GALNT13: variants seen among roughly 807,000 people sequenced by gnomAD.
The protein encoded by GALNT13 is polypeptide N-acetylgalactosaminyltransferase 13, also known as UDP-GalNAc:polypeptide N-acetylgalactosaminyltransferase 13.
A neutral mutation model predicts 64.2 loss-of-function variants in GALNT13; 28 were observed. That is an observed-to-expected ratio of 0.44 (90% CI 0.32 to 0.60). The LOEUF (loss-of-function observed/expected upper bound fraction) is 0.60, where lower values mean the gene tolerates loss of function less well. GALNT13 is among the 20% of genes least tolerant of loss of function. GALNT13 has a pLI of 0.05. For synonymous variants in GALNT13, 214 were observed against 224.6 expected (o/e 0.95, Z 0.42); for missense variants, 577 against 669.8 (o/e 0.86, Z 1.53).
At chr2:153,146,700 T>C in the GALNT13 span, among the ~76,000 whole-genome samples, 1 of 151,842 alleles carries the variant, frequency 6.6e-6, no homozygotes, top group Admixed American at 6.6e-5. Flanking sequence ...ATGTTTCAAA[T>C]ACACAAAGAT....
intron 3 of GALNT13, among the ~76,000 whole-genome samples, chr2:154,119,038 A>G (rs1004970640): frequency 1.3e-5 from 2 of 152,112 alleles, no homozygotes; most frequent in Non-Finnish European, 2.9e-5. Flanking sequence ...TACTTATACC[A>G]TTAGGTTTTG....
the GALNT13 span, among the ~76,000 whole-genome samples, chr2:153,821,753 T>C: frequency 6.6e-6 from 1 of 152,094 alleles, no homozygotes; most frequent in Non-Finnish European, 1.5e-5. Context: ...CTGAACAGAA[T>C]TGTGACCCAA....
At chr2:153,693,580 G>A in the GALNT13 span, among the ~76,000 whole-genome samples, 1 of 151,934 alleles carries the variant, frequency 6.6e-6, no homozygotes. Context: ...TAGAATGCGT[G>A]GCCTGTACTT....
chr2:153,271,691 C>A, the GALNT13 span, among the ~76,000 whole-genome samples: 2 of 152,100 alleles, frequency 1.3e-5, no homozygotes, highest in African/African-American at 4.8e-5. Context: ...GCCATACTGC[C>A]CAAAGTAATT....
the GALNT13 span, among the ~76,000 whole-genome samples, chr2:153,405,273 G>T: frequency 5.9e-5 from 9 of 152,210 alleles, no homozygotes; most frequent in Non-Finnish European, 1.2e-4. Flanking sequence ...AAAGCCTAAG[G>T]TTTGGAAAGG....
At chr2:153,831,034 AT>A in the GALNT13 span, among the ~76,000 whole-genome samples, 3 of 152,184 alleles carry the variant, frequency 2.0e-5, no homozygotes, top group African/African-American at 7.2e-5. Flanking sequence ...GTTGAAAATT[AT>A]TTTACAATTT....
chr2:154,354,666 C>T (rs799813), intron 9 of GALNT13, among the ~76,000 whole-genome samples: 2 of 151,406 alleles, frequency 1.3e-5, no homozygotes, highest in African/African-American at 2.4e-5. Context: ...CACCGTTTAT[C>T]GAAGAGACCA....
At chr2:153,804,953 T>C in the GALNT13 span, among the ~76,000 whole-genome samples, 27 of 151,940 alleles carry the variant, frequency 1.8e-4, no homozygotes, top group Admixed American at 1.8e-3. Context: ...TGGCAGAACC[T>C]AAAAGTTTAT....
the GALNT13 span, among the ~76,000 whole-genome samples, chr2:153,591,609 C>G: frequency 1.3e-5 from 2 of 151,876 alleles, no homozygotes; most frequent in Non-Finnish European, 2.9e-5. Flanking sequence ...CATATATCAA[C>G]AGAACAAAAT....
intron 3 of GALNT13, among the ~76,000 whole-genome samples, chr2:154,040,384 G>A (rs1255451708): frequency 2.1e-5 from 3 of 140,874 alleles, no homozygotes; most frequent in South Asian, 2.2e-4. Flanking sequence ...AGAATACATC[G>A]TGATTATGAA....
intron 8 of GALNT13, among the ~76,000 whole-genome samples, chr2:154,296,092 T>C (rs1394445653): frequency 2.6e-5 from 4 of 152,180 alleles, no homozygotes; most frequent in African/African-American, 9.7e-5. Flanking sequence ...ATCTGCCATA[T>C]TGTTAGTCCC....
chr2:154,144,296 A>C (rs1183260200), intron 4 of GALNT13, among the ~76,000 whole-genome samples: 1 of 152,156 alleles, frequency 6.6e-6, no homozygotes, highest in African/African-American at 2.4e-5. Context: ...ACCATGAGTC[A>C]CATATCCAAA....
At chr2:153,119,694 A>G in the GALNT13 span, among the ~76,000 whole-genome samples, 2 of 152,206 alleles carry the variant, frequency 1.3e-5, no homozygotes, top group Non-Finnish European at 2.9e-5. Flanking sequence ...CCAGGTTAGA[A>G]GAGCCAAGGC....
At chr2:154,123,838 G>T (rs534304120) in intron 3 of GALNT13, among the ~76,000 whole-genome samples, 2 of 151,942 alleles carry the variant, frequency 1.3e-5, no homozygotes, top group African/African-American at 2.4e-5. Flanking sequence ...GTGACAAAAG[G>T]CATATATCAG....
At position 154,414,461 on chromosome 2, in the gene GALNT13, C is replaced by T. The variant is rs541030934; in HGVS notation, c.1395+5379C>T. Reference sequence around the variant, plus strand: ...CACTGTATTTGCATTGATTTCCAACCACACTTTCCAGGATTATAATCGCAG... The same window carrying T: ...CACTGTATTTGCATTGATTTCCAACTACACTTTCCAGGATTATAATCGCAG... On this transcript the variant is annotated intron_variant, in intron 11 of 12. Transcript: ENST00000392825. Among the ~76,000 whole-genome samples, 5 of 151,900 alleles carry T rather than the reference C, an allele frequency of 3.3e-5. No homozygotes were observed. The South Asian group carries it at 1.0e-3, about 32-fold the overall frequency.
intron 4 of GALNT13, among the ~76,000 whole-genome samples, chr2:154,212,767 T>A (rs1350135188): frequency 6.6e-6 from 1 of 151,950 alleles, no homozygotes; most frequent in Non-Finnish European, 1.5e-5. Flanking sequence ...TTTAAATGCC[T>A]AGAGAAATAA....
At chr2:153,179,892 AG>A in the GALNT13 span, among the ~76,000 whole-genome samples, 1 of 152,104 alleles carries the variant, frequency 6.6e-6, no homozygotes, top group Admixed American at 6.5e-5. Flanking sequence ...ATATCCCATA[AG>A]GTTACTGTAT....
At chr2:154,316,031 T>C (rs1694301274) in intron 9 of GALNT13, among the ~76,000 whole-genome samples, 2 of 152,128 alleles carry the variant, frequency 1.3e-5, no homozygotes, top group Admixed American at 6.5e-5. Context: ...GGAGTTGCAG[T>C]GAGCTGAGAT....
At chr2:153,277,701 C>T in the GALNT13 span, among the ~76,000 whole-genome samples, 2 of 151,948 alleles carry the variant, frequency 1.3e-5, no homozygotes, top group Non-Finnish European at 2.9e-5. Context: ...TCTCAGCAGC[C>T]TCACCAGCAT....
Sources: gnomAD v4.1 joint callset for allele counts (sites outside exome capture counted in the v4.1 genomes callset) on GRCh38, gnomAD v4.1.1 for gene constraint, MANE v1.5 for transcripts, NCBI Gene and HGNC (gene_info 2026-07-23, HGNC 2026-07-21) for gene names.